ENKUR: variants seen among roughly 807,000 people sequenced by gnomAD.
ENKUR encodes enkurin.
ENKUR carries 19 observed loss-of-function variants against 27.6 expected under a neutral mutation model. That is an observed-to-expected ratio of 0.69 (90% CI 0.48 to 1.01). ENKUR has a LOEUF of 1.01. ENKUR is among the 50% of genes least tolerant of loss of function. The pLI is 0.00. For missense variants in ENKUR, 312 were observed against 310.5 expected (o/e 1.00, Z -0.04); for synonymous variants, 117 against 96.9 (o/e 1.21, Z -1.22).
At chr10:25,001,211 CA>C (rs1850182274) in intron 1 of ENKUR, among the ~76,000 whole-genome samples, 1 of 152,006 alleles carries the variant, frequency 6.6e-6, no homozygotes, top group Admixed American at 6.5e-5. Context: ...CCATAAAGGA[CA>C]TTTTTAAACT....
intron 2 of ENKUR, among the ~76,000 whole-genome samples, chr10:25,032,232 A>G (rs986168780): frequency 1.3e-5 from 2 of 151,156 alleles, no homozygotes; most frequent in African/African-American, 2.5e-5. Flanking sequence ...GGTACCGTCA[A>G]TTCTATCTGT....
chr10:25,002,880 G>C (rs1438033100), intron 1 of ENKUR, among the ~76,000 whole-genome samples: 1 of 151,850 alleles, frequency 6.6e-6, no homozygotes, highest in African/African-American at 2.4e-5. Context: ...GTTGGGGCTG[G>C]CAGATATGGT....
At chr10:25,019,581 A>G (rs115653601), upstream of ENKUR, among the ~76,000 whole-genome samples, 559 of 152,360 alleles carry the variant, frequency 3.7e-3, 7 homozygotes, top group African/African-American at 0.013. Flanking sequence ...ATTATGTATT[A>G]TAAGTTATTC....
At chr10:25,054,177 T>A (rs549980555) in intron 2 of ENKUR, among the ~76,000 whole-genome samples, 7 of 152,296 alleles carry the variant, frequency 4.6e-5, no homozygotes, top group Non-Finnish European at 1.0e-4. Flanking sequence ...TCCCAACACT[T>A]TGGGAGGCTG....
At chr10:25,022,097 G>A (rs776922714) in intron 2 of ENKUR, among the ~76,000 whole-genome samples, 1 of 152,118 alleles carries the variant, frequency 6.6e-6, no homozygotes, top group Admixed American at 6.5e-5. Context: ...GCCCCACTAT[G>A]TGTCTGTGAC....
At chr10:25,046,742 A>G (rs1044897382) in intron 2 of ENKUR, among the ~76,000 whole-genome samples, 4 of 152,312 alleles carry the variant, frequency 2.6e-5, no homozygotes, top group African/African-American at 7.2e-5. Flanking sequence ...TTCATAAAAT[A>G]TTAAAATCTC....
chr10:25,025,093 T>A (rs200259128), intron 2 of ENKUR: 9 of 1,613,814 alleles, frequency 5.6e-6, no homozygotes, highest in Non-Finnish European at 5.9e-6. Context: ...TGAGGGAGAG[T>A]GCCTAGCAGC....
chr10:25,039,033 A>G (rs1435140148), intron 2 of ENKUR, among the ~76,000 whole-genome samples: 2 of 152,224 alleles, frequency 1.3e-5, no homozygotes, highest in Non-Finnish European at 2.9e-5. Context: ...GAATTATTAG[A>G]GTCATTTTAG....
intron 2 of ENKUR, chr10:25,061,010 G>T: frequency 8.8e-7 from 1 of 1,139,980 alleles, no homozygotes; most frequent in Non-Finnish European, 1.3e-6. Context: ...CACTGGGCCT[G>T]GCCCTTATGT....
Position 25,015,970 on chromosome 10 carries a change from A to C in ENKUR, c.-34T>G, listed in dbSNP as rs1850560456. 2 of 1,589,638 alleles carry C rather than the reference A, an allele frequency of 1.3e-6. No homozygotes were observed. Among genetic ancestry groups the C allele is most frequent in the African/African-American group, 1.4e-5 (1 of 74,036 alleles). On this transcript the variant is annotated 5_prime_UTR_variant, in exon 1 of 6. Transcript: ENST00000331161. ...AATGACTCCTTAAAAGCTACTCTCC[A>C]CAACTTTTTTCTCCCTGTCCCAGTA...
chr10:25,012,948 CAT>C (rs1363453214), intron 1 of ENKUR, among the ~76,000 whole-genome samples: 3 of 152,180 alleles, frequency 2.0e-5, no homozygotes, highest in African/African-American at 7.2e-5. Flanking sequence ...CCATAATTCC[CAT>C]ATGTCATGGG....
chr10:25,057,388 C>T (rs887972046), intron 2 of ENKUR, among the ~76,000 whole-genome samples: 41 of 109,980 alleles, frequency 3.7e-4, no homozygotes, highest in African/African-American at 1.4e-3. Flanking sequence ...GGTACACACA[C>T]ACACACACAC....
upstream of ENKUR, among the ~76,000 whole-genome samples, chr10:25,016,481 C>T (rs1052406381): frequency 1.3e-5 from 2 of 152,200 alleles, no homozygotes; most frequent in African/African-American, 4.8e-5. Flanking sequence ...CGGCTGAGAC[C>T]ACGAGGACGC....
intron 2 of ENKUR, among the ~76,000 whole-genome samples, chr10:25,044,945 C>G (rs1851106256): frequency 6.6e-6 from 1 of 152,180 alleles, no homozygotes; most frequent in Admixed American, 6.5e-5. Context: ...ACCACTTTGG[C>G]AGCTCCTGAC....
chr10:25,002,356 T>C (rs547382235), intron 1 of ENKUR, among the ~76,000 whole-genome samples: 6 of 152,358 alleles, frequency 3.9e-5, no homozygotes, highest in African/African-American at 1.4e-4. Context: ...TCTGGTACTC[T>C]GTGCTGTGAA....
chr10:25,009,132 G>A (rs1213698945), intron 1 of ENKUR, among the ~76,000 whole-genome samples: 1 of 152,138 alleles, frequency 6.6e-6, no homozygotes, highest in African/African-American at 2.4e-5. Context: ...GGGAGGGATA[G>A]CATTAGGAGA....
At position 25,026,636 on chromosome 10, in the gene ENKUR, C is replaced by T. The variant is rs1291470214; in HGVS notation, c.38-30767G>A. On this transcript the variant is annotated intron_variant, in intron 2 of 5. Transcript: ENST00000615958. ...TGTTTGTGAATTTACTGGATGTTTTCTTTCTGAATTAAAGATTGTCAAGAC... is the reference window on the plus strand; with the variant it reads ...TGTTTGTGAATTTACTGGATGTTTTTTTTCTGAATTAAAGATTGTCAAGAC... The T allele has an allele frequency of 2.5e-5, 4 of 162,672 alleles. No individual in the cohort carries two copies. In the East Asian group the frequency reaches 7.7e-4, roughly 31 times the overall value. 10.1% of individuals were successfully genotyped at this position (162,672 alleles called of 1,614,324 possible).
chr10:25,012,470 G>A (rs1850469513), intron 1 of ENKUR, among the ~76,000 whole-genome samples: 1 of 152,218 alleles, frequency 6.6e-6, no homozygotes, highest in Admixed American at 6.5e-5. Context: ...ACTGTGCCAG[G>A]TCACAGGGAC....
At chr10:25,017,159 A>G (rs1220029334), upstream of ENKUR, among the ~76,000 whole-genome samples, 2 of 152,186 alleles carry the variant, frequency 1.3e-5, no homozygotes, top group Non-Finnish European at 2.9e-5. Flanking sequence ...TGAGCAGCCT[A>G]AACTAAGAGG....
Sources: gnomAD v4.1 joint callset for allele counts (sites outside exome capture counted in the v4.1 genomes callset) on GRCh38, gnomAD v4.1.1 for gene constraint, MANE v1.5 for transcripts, NCBI Gene and HGNC (gene_info 2026-07-23, HGNC 2026-07-21) for gene names.